The following WWC1 variants were observed in gnomAD, a reference collection of about 807,000 sequenced individuals.
WWC1 encodes the protein WW and C2 domain containing 1.
A neutral mutation model predicts 138.4 loss-of-function variants in WWC1; 55 were observed. That is an observed-to-expected ratio of 0.40 (90% CI 0.32 to 0.50). The LOEUF (loss-of-function observed/expected upper bound fraction) is 0.50, where lower values mean the gene tolerates loss of function less well. Among genes scored for constraint, WWC1 ranks in the 20% least tolerant of loss-of-function variants. The pLI, the probability that WWC1 is intolerant of heterozygous loss-of-function variation, is 0.72. For synonymous variants in WWC1, 524 were observed against 564.9 expected (o/e 0.93, Z 1.03); for missense variants, 1,226 against 1,420.4 (o/e 0.86, Z 2.20).
chr5:168,305,821 G>A (rs987666359), intron 1 of WWC1, among the ~76,000 whole-genome samples: 3 of 152,126 alleles, frequency 2.0e-5, no homozygotes, highest in Admixed American at 2.0e-4. Flanking sequence ...AAAGATTCTG[G>A]TTTACTTGGT....
chr5:168,330,486 G>T (rs906833615), intron 1 of WWC1, among the ~76,000 whole-genome samples: 1 of 152,142 alleles, frequency 6.6e-6, no homozygotes, highest in East Asian at 1.9e-4. Flanking sequence ...TAATTGGCTC[G>T]TGTTTTCTCA....
chr5:168,428,012 C>A, intron 11 of WWC1, 21 bp from the exon 12 acceptor site: 1 of 1,609,072 alleles, frequency 6.2e-7, no homozygotes. Context: ...CTGAACCTGC[C>A]TTTCCATTTT....
chr5:168,405,112 A>T (rs918774581), intron 5 of WWC1, among the ~76,000 whole-genome samples: 1 of 152,094 alleles, frequency 6.6e-6, no homozygotes, highest in Non-Finnish European at 1.5e-5. Flanking sequence ...TTAGAGGAGG[A>T]AACTGAGGCT....
chr5:168,322,701 A>G (rs1349613871), intron 1 of WWC1, among the ~76,000 whole-genome samples: 1 of 152,220 alleles, frequency 6.6e-6, no homozygotes, highest in Non-Finnish European at 1.5e-5. Flanking sequence ...TACATAAGAG[A>G]AAAAGAATCA....
chr5:168,362,137 C>G (rs184938567), intron 1 of WWC1, among the ~76,000 whole-genome samples: 3 of 140,370 alleles, frequency 2.1e-5, no homozygotes, highest in African/African-American at 7.3e-5. Context: ...TTATCAAGCA[C>G]TCACTGTGTA....
intron 11 of WWC1, among the ~76,000 whole-genome samples, chr5:168,424,327 G>T (rs1781348228): frequency 6.6e-6 from 1 of 152,190 alleles, no homozygotes; most frequent in Non-Finnish European, 1.5e-5. Context: ...AGGTCATCCT[G>T]TGCTAATGGA....
chr5:168,294,800 T>C (rs1310246095), intron 1 of WWC1, among the ~76,000 whole-genome samples: 2 of 152,058 alleles, frequency 1.3e-5, no homozygotes, highest in Admixed American at 6.6e-5. Flanking sequence ...CAATTTTTTG[T>C]ATTTTAGTAG....
At chr5:168,427,548 A>ATT (rs34177139) in intron 11 of WWC1, among the ~76,000 whole-genome samples, 81 of 101,120 alleles carry the variant, frequency 8.0e-4, no homozygotes, top group African/African-American at 2.1e-3. Flanking sequence ...CTTTTTTTTA[A>ATT]TTTTTTTTTT....
intron 9 of WWC1, among the ~76,000 whole-genome samples, chr5:168,417,289 A>G (rs1780734451): frequency 6.6e-6 from 1 of 152,222 alleles, no homozygotes; most frequent in Non-Finnish European, 1.5e-5. Context: ...AAATACATAT[A>G]TGGTCTGAAG....
intron 15 of WWC1, among the ~76,000 whole-genome samples, chr5:168,437,846 G>A (rs1005505776): frequency 6.6e-6 from 1 of 152,128 alleles, no homozygotes; most frequent in African/African-American, 2.4e-5. Flanking sequence ...GTTCTGAACT[G>A]TAATATCCAA....
chr5:168,459,253 T>G (rs1756588988), intron 19 of WWC1, among the ~76,000 whole-genome samples: 1 of 59,680 alleles, frequency 1.7e-5, no homozygotes, highest in African/African-American at 6.1e-5. Flanking sequence ...AAACCCTGTC[T>G]CAAAAAAAAA....
At chr5:168,363,822 G>A (rs1582043057) in intron 1 of WWC1, among the ~76,000 whole-genome samples, 1 of 152,238 alleles carries the variant, frequency 6.6e-6, no homozygotes, top group African/African-American at 2.4e-5. Context: ...TGCCCAAGGG[G>A]ACAGAGCTAA....
chr5:168,317,199 A>G (rs1203535821), intron 1 of WWC1, among the ~76,000 whole-genome samples: 1 of 151,958 alleles, frequency 6.6e-6, no homozygotes, highest in East Asian at 1.9e-4. Context: ...GGGCTCTCTG[A>G]CTTCGCAGCC....
At chr5:168,432,648 C>T (rs1782041043) in intron 15 of WWC1, among the ~76,000 whole-genome samples, 1 of 152,192 alleles carries the variant, frequency 6.6e-6, no homozygotes, top group African/African-American at 2.4e-5. Flanking sequence ...ATGCTCAGAT[C>T]TGTACTGGGA....
chr5:168,309,386 G>A (rs1275073920), intron 1 of WWC1, among the ~76,000 whole-genome samples: 1 of 146,896 alleles, frequency 6.8e-6, no homozygotes, highest in Non-Finnish European at 1.5e-5. Context: ...TGCCATTACC[G>A]TGAGACGGTA....
chr5:168,370,724 G>C (rs1172310650), intron 1 of WWC1, among the ~76,000 whole-genome samples: 1 of 152,156 alleles, frequency 6.6e-6, no homozygotes, highest in East Asian at 1.9e-4. Context: ...TGAGTGATTT[G>C]TTTATTTGAT....
intron 1 of WWC1, among the ~76,000 whole-genome samples, chr5:168,346,888 C>T (rs931436956): frequency 1.2e-4 from 18 of 152,100 alleles, no homozygotes; most frequent in Admixed American, 1.1e-3. Flanking sequence ...TTCCCAGATG[C>T]CTTCATTCTG....
At chr5:168,428,180 A>G in intron 12 of WWC1, 39 bp downstream of exon 12, 1 of 1,588,036 alleles carries the variant, frequency 6.3e-7, no homozygotes, top group Non-Finnish European at 8.6e-7. Context: ...TGGCCCTGTA[A>G]GCCATGAACT....
chr5:168,427,989 A>G, intron 11 of WWC1, 44 bp from the exon 12 acceptor site: 1 of 1,565,092 alleles, frequency 6.4e-7, no homozygotes, highest in Admixed American at 1.7e-5. Flanking sequence ...TCGCAAAGGC[A>G]GTTTCCTGGT....
Sources: gnomAD v4.1 joint callset for allele counts (sites outside exome capture counted in the v4.1 genomes callset) on GRCh38, gnomAD v4.1.1 for gene constraint, MANE v1.5 for transcripts, NCBI Gene and HGNC (gene_info 2026-07-23, HGNC 2026-07-21) for gene names.